The following NELL2 variants were observed in gnomAD, a reference collection of about 807,000 sequenced individuals.
NELL2 encodes protein kinase C-binding protein NELL2.
In NELL2, 41 loss-of-function variants were observed where a neutral mutation model predicts 109.6. The observed-to-expected ratio is 0.37, with a 90% CI of 0.29 to 0.49. The LOEUF (loss-of-function observed/expected upper bound fraction) is 0.49. NELL2 is among the 20% of genes least tolerant of loss of function. NELL2 has a pLI of 0.98. For missense variants in NELL2, 900 were observed against 1,008.3 expected, an observed-to-expected ratio of 0.89 and a Z score of 1.45; for synonymous variants, 355 against 344.7, an observed-to-expected ratio of 1.03 and a Z score of -0.33.
At chr12:44,515,677 C>T (rs921350897) in intron 19 of NELL2, among the ~76,000 whole-genome samples, 1 of 151,826 alleles carries the variant, frequency 6.6e-6, no homozygotes, top group African/African-American at 2.4e-5. Context: ...AGTCTGACTA[C>T]TAGGAATAAT....
chr12:44,597,019 T>A (rs1944992215), intron 15 of NELL2, among the ~76,000 whole-genome samples: 2 of 152,166 alleles, frequency 1.3e-5, no homozygotes, highest in Admixed American at 6.5e-5. Context: ...TGTCCCAGAG[T>A]GTGGAAATCT....
At chr12:44,902,498 A>G (rs10880702) in intron 1 of NELL2, among the ~76,000 whole-genome samples, 3,005 of 152,342 alleles carry the variant, frequency 0.02, 87 homozygotes, top group East Asian at 0.15. Flanking sequence ...TATAGATTCA[A>G]TGCTATTCCC....
intron 2 of NELL2, among the ~76,000 whole-genome samples, chr12:44,869,164 T>C (rs567676222): frequency 2.0e-5 from 3 of 151,574 alleles, no homozygotes; most frequent in Non-Finnish European, 2.9e-5. Flanking sequence ...AAAAACACAA[T>C]GGTAAGGCAG....
intron 2 of NELL2, chr12:44,874,994 A>C: frequency 4.1e-6 from 2 of 485,192 alleles, no homozygotes; most frequent in Non-Finnish European, 7.2e-6. Context: ...TAATTAAGGG[A>C]CTATCCATTA....
At chr12:44,914,458 T>C (rs969774035), upstream of NELL2, among the ~76,000 whole-genome samples, 4 of 152,216 alleles carry the variant, frequency 2.6e-5, no homozygotes, top group African/African-American at 9.6e-5. Context: ...TATCATAAGG[T>C]TTTCCTTGAC....
intron 2 of NELL2, among the ~76,000 whole-genome samples, chr12:44,854,182 G>A (rs1431695787): frequency 6.6e-6 from 1 of 152,216 alleles, no homozygotes; most frequent in Non-Finnish European, 1.5e-5. Flanking sequence ...AGACTGTACA[G>A]ATATAGAATT....
At chr12:44,658,876 C>CA (rs758903947) in intron 13 of NELL2, among the ~76,000 whole-genome samples, 4,129 of 97,440 alleles carry the variant, frequency 0.042, 358 homozygotes, top group African/African-American at 0.16. Flanking sequence ...GACTCTGTCT[C>CA]CAAAAAAAAA....
At chr12:44,629,618 C>T (rs375022283) in intron 13 of NELL2, among the ~76,000 whole-genome samples, 15 of 152,260 alleles carry the variant, frequency 9.9e-5, no homozygotes, top group South Asian at 6.2e-4. Context: ...TGAAATAGTG[C>T]ATTGAGAACT....
chr12:44,915,832 A>G (rs421642), upstream of NELL2, among the ~76,000 whole-genome samples: 5,296 of 152,282 alleles, frequency 0.035, 199 homozygotes, highest in African/African-American at 0.085. Context: ...ACTATTGCTC[A>G]GTAATTTGTG....
intron 11 of NELL2, among the ~76,000 whole-genome samples, chr12:44,710,030 G>T (rs1031991996): frequency 6.6e-6 from 1 of 152,282 alleles, no homozygotes; most frequent in African/African-American, 2.4e-5. Flanking sequence ...CTCCTCGAAA[G>T]GCAGACCATG....
At chr12:44,915,595 T>C (rs148862703), upstream of NELL2, among the ~76,000 whole-genome samples, 88 of 152,302 alleles carry the variant, frequency 5.8e-4, no homozygotes, top group African/African-American at 2.0e-3. Flanking sequence ...CATGTGGGAA[T>C]TGAAAGTAAT....
At chr12:44,783,566 C>T (rs1202848803) in intron 3 of NELL2, among the ~76,000 whole-genome samples, 3 of 151,748 alleles carry the variant, frequency 2.0e-5, no homozygotes, top group East Asian at 1.9e-4. Flanking sequence ...GAATACTAAA[C>T]TCTAGACAAA....
chr12:44,644,251 T>C (rs1274278597), intron 13 of NELL2, among the ~76,000 whole-genome samples: 1 of 151,850 alleles, frequency 6.6e-6, no homozygotes, highest in Non-Finnish European at 1.5e-5. Context: ...AAGCAATAAA[T>C]ATGAGTAAGG....
chr12:44,529,238 G>C (rs972967629), intron 16 of NELL2, among the ~76,000 whole-genome samples: 1 of 152,114 alleles, frequency 6.6e-6, no homozygotes, highest in Non-Finnish European at 1.5e-5. Flanking sequence ...AATATATTTT[G>C]AAAGTTGAAA....
chr12:44,585,386 G>A (rs2136216621), intron 15 of NELL2, among the ~76,000 whole-genome samples: 1 of 152,256 alleles, frequency 6.6e-6, no homozygotes, highest in East Asian at 1.9e-4. Context: ...CGGATCATCT[G>A]AGGTCAGGAG....
chr12:44,648,141 G>T (rs959361445), intron 13 of NELL2, among the ~76,000 whole-genome samples: 17 of 152,190 alleles, frequency 1.1e-4, no homozygotes, highest in African/African-American at 4.1e-4. Context: ...TGGACTCTGG[G>T]AATGACACGT....
chr12:44,671,765 G>A (rs186059841), intron 12 of NELL2, among the ~76,000 whole-genome samples: 3 of 152,204 alleles, frequency 2.0e-5, no homozygotes, highest in South Asian at 2.1e-4. Flanking sequence ...AGACTGGATC[G>A]GGAATAAAAA....
intron 15 of NELL2, among the ~76,000 whole-genome samples, chr12:44,544,531 C>A (rs531635485): frequency 6.6e-6 from 1 of 152,142 alleles, no homozygotes; most frequent in East Asian, 1.9e-4. Flanking sequence ...AGATGAGGAA[C>A]TCCTTGTAAG....
At chr12:44,688,089 A>T (rs75153180) in intron 12 of NELL2, among the ~76,000 whole-genome samples, 8,970 of 152,246 alleles carry the variant, frequency 0.059, 877 homozygotes, top group African/African-American at 0.2. Flanking sequence ...TCCCCATAGT[A>T]AAATTTAAAG....
Sources: gnomAD v4.1 joint callset for allele counts (sites outside exome capture counted in the v4.1 genomes callset) on GRCh38, gnomAD v4.1.1 for gene constraint, MANE v1.5 for transcripts, NCBI Gene and HGNC (gene_info 2026-07-23, HGNC 2026-07-21) for gene names.